Variants in NR1H4 observed in about 807,000 individuals in gnomAD.
NR1H4 encodes the protein bile acid receptor.
NR1H4 carries 23 observed loss-of-function variants against 58.5 expected under a neutral mutation model. That is an observed-to-expected ratio of 0.39 (90% CI 0.28 to 0.56). The LOEUF (loss-of-function observed/expected upper bound fraction) is 0.56, where lower values mean the gene tolerates loss of function less well. Ranked by LOEUF, NR1H4 falls within the 20% of genes least tolerant of loss-of-function variation. NR1H4 has a pLI of 0.58. For missense variants in NR1H4, 487 were observed against 576.9 expected (o/e 0.84, Z 1.60); for synonymous variants, 214 against 198.0 (o/e 1.08, Z -0.68).
At chr12:100,503,896 G>C (rs1358738843) in intron 3 of NR1H4, among the ~76,000 whole-genome samples, 1 of 152,074 alleles carries the variant, frequency 6.6e-6, no homozygotes, top group Admixed American at 6.6e-5. Flanking sequence ...TTAGTGTCTC[G>C]TGACCAGCAT....
chr12:100,535,134 T>A, intron 6 of NR1H4, 111 bp downstream of exon 6: 1 of 1,201,822 alleles, frequency 8.3e-7, no homozygotes, highest in Non-Finnish European at 1.2e-6. Context: ...GCTGAATTTC[T>A]AGTCCAATTG....
intron 4 of NR1H4, among the ~76,000 whole-genome samples, chr12:100,526,790 C>T (rs748869263): frequency 5.9e-5 from 9 of 152,180 alleles, no homozygotes; most frequent in Admixed American, 3.3e-4. Flanking sequence ...CACAGAACCT[C>T]CCAGACTCAT....
chr12:100,539,832 T>C (rs1308583603), intron 8 of NR1H4, among the ~76,000 whole-genome samples: 1 of 152,108 alleles, frequency 6.6e-6, no homozygotes, highest in Non-Finnish European at 1.5e-5. Flanking sequence ...ATAAAGCAGG[T>C]AGAGACTAGT....
intron 8 of NR1H4, among the ~76,000 whole-genome samples, chr12:100,538,262 C>T (rs1445247575): frequency 6.6e-6 from 1 of 152,020 alleles, no homozygotes; most frequent in Non-Finnish European, 1.5e-5. Flanking sequence ...ATGACTTAAT[C>T]AGGTTCATGT....
chr12:100,550,655 C>G (rs971768846), intron 9 of NR1H4, among the ~76,000 whole-genome samples: 2 of 152,140 alleles, frequency 1.3e-5, no homozygotes, highest in East Asian at 3.9e-4. Flanking sequence ...TGTGAGCCAC[C>G]GCGCCTGGCC....
intron 5 of NR1H4, 121 bp from the exon 6 acceptor site, chr12:100,534,769 C>A (rs961002336): frequency 1.8e-6 from 2 of 1,106,694 alleles, no homozygotes; most frequent in African/African-American, 1.5e-5. Context: ...AAAAGGCTAG[C>A]GTTAGTTCTG....
chr12:100,493,312 T>A lies in NR1H4; in HGVS notation c.-12T>A. ...CACCATAAAGAAAGTGCATTTCAAT[T>A]GAAAAATTTGGATGGGATCAAAAAT... On this transcript the variant is annotated 5_prime_UTR_variant, in exon 3 of 11. Transcript: ENST00000392986. 7.0e-7 allele frequency: 1 copy of A among 1,433,470 alleles called. No individual in the cohort carries two copies. The highest frequency in any genetic ancestry group is 9.8e-7 in the Non-Finnish European group (1 of 1,022,942). The allele number at this position is 1,433,470 out of a possible 1,614,324, so 88.8% of individuals were successfully genotyped here.
intron 3 of NR1H4, among the ~76,000 whole-genome samples, chr12:100,508,684 C>G (rs374603310): frequency 6.6e-6 from 1 of 152,088 alleles, no homozygotes; most frequent in African/African-American, 2.4e-5. Flanking sequence ...CCTGCTACTA[C>G]GAAGAACTCT....
At chr12:100,491,018 C>T (rs1593045398) in intron 1 of NR1H4, among the ~76,000 whole-genome samples, 1 of 152,130 alleles carries the variant, frequency 6.6e-6, no homozygotes, top group East Asian at 1.9e-4. Context: ...TGGTCTCGAA[C>T]TCTTGGGCTT....
In NR1H4 at chr12:100,476,494, GAC is replaced by G. The variant is rs532130853; in HGVS notation, c.-190+2437_-190+2438del. On this transcript the variant is annotated intron_variant, in intron 1 of 10. Coordinates refer to ENST00000392986, the MANE Select transcript of NR1H4 (RefSeq NM_001206979.2). ...AACTCTCCATGCTGCTGTGATTAGGGACATCTTAGAGAGGAGCTCAGAACTGC... is the reference window on the plus strand; with the variant it reads ...AACTCTCCATGCTGCTGTGATTAGGGATCTTAGAGAGGAGCTCAGAACTGC... 1.7e-3 allele frequency among the ~76,000 whole-genome samples: 255 copies of G among 152,262 alleles called. 1 individual carries two copies. The highest frequency in any genetic ancestry group is 5.9e-3 in the African/African-American group (243 of 41,536).
chr12:100,549,112 G>A (rs371412864), intron 9 of NR1H4, among the ~76,000 whole-genome samples: 1 of 152,100 alleles, frequency 6.6e-6, no homozygotes, highest in Non-Finnish European at 1.5e-5. Flanking sequence ...GCCAACGTGG[G>A]CAGATCACGA....
intron 6 of NR1H4, among the ~76,000 whole-genome samples, chr12:100,535,326 A>G (rs1270015514): frequency 6.6e-6 from 1 of 152,194 alleles, no homozygotes; most frequent in Non-Finnish European, 1.5e-5. Flanking sequence ...ATTGATGACC[A>G]TTTTTTCCCT....
At chr12:100,523,096 G>T (rs1026912911) in intron 4 of NR1H4, among the ~76,000 whole-genome samples, 1 of 152,130 alleles carries the variant, frequency 6.6e-6, no homozygotes, top group South Asian at 2.1e-4. Context: ...GGATCGAATG[G>T]TAGATCTACT....
At position 100,510,793 on chromosome 12, in the gene NR1H4, AAGTGGCAGGTCC is replaced by A. The variant is rs750549716; in HGVS notation, c.96_107del (p.Gln32_Pro36delinsHis). On this transcript the variant is annotated inframe_deletion, in exon 4 of 11. Coordinates refer to ENST00000392986, the MANE Select transcript of NR1H4 (RefSeq NM_001206979.2). ...TTTTGTTCAGGTGTTTTAACAGAAC[AAGTGGCAGGTCC>A]TCTGGGACAGAACCTGGAAGTGGAA... is the stretch of plus-strand genomic sequence containing the variant. 3 of 1,613,910 alleles carry A rather than the reference AAGTGGCAGGTCC, an allele frequency of 1.9e-6. No homozygotes were observed. In the African/African-American group the frequency reaches 4.0e-5, roughly 22 times the overall value.
chr12:100,529,898 C>G (rs528391583), intron 4 of NR1H4, among the ~76,000 whole-genome samples: 1 of 152,292 alleles, frequency 6.6e-6, no homozygotes, highest in East Asian at 1.9e-4. Flanking sequence ...AAGAAATATG[C>G]AGCTCTACAT....
chr12:100,497,600 T>A (rs1953743845), intron 3 of NR1H4, among the ~76,000 whole-genome samples: 1 of 152,072 alleles, frequency 6.6e-6, no homozygotes, highest in South Asian at 2.1e-4. Context: ...CGTAGAGGCC[T>A]GGGGGTGGAA....
At chr12:100,484,412 T>A (rs1010611440) in intron 1 of NR1H4, among the ~76,000 whole-genome samples, 2 of 152,150 alleles carry the variant, frequency 1.3e-5, no homozygotes, top group South Asian at 4.1e-4. Flanking sequence ...AACCAGAAAG[T>A]GGGAGTCCAA....
At chr12:100,529,178 G>A (rs1474546532) in intron 4 of NR1H4, among the ~76,000 whole-genome samples, 4 of 152,124 alleles carry the variant, frequency 2.6e-5, no homozygotes, top group Admixed American at 2.0e-4. Flanking sequence ...AAATTCACAA[G>A]CAAGTCCATG....
rs566870691 is a variant in NR1H4, at chr12:100,481,715, CCAT to C, written c.-190+7658_-190+7660del. 3.4e-4 allele frequency among the ~76,000 whole-genome samples: 52 copies of C among 152,128 alleles called. 1 individual carries two copies. The East Asian group carries it at 7.0e-3, about 20-fold the overall frequency. ...AGATCATGAGGTCAGGAGATCGAGA[CCAT>C]CCTGGCTAACACGGTGAAACCCCAT... is the stretch of plus-strand genomic sequence containing the variant. On this transcript the variant is annotated intron_variant, in intron 1 of 10. Transcript: ENST00000392986.
Sources: allele counts gnomAD v4.1 joint callset (sites outside exome capture counted in the v4.1 genomes callset), GRCh38; gene constraint gnomAD v4.1.1; transcripts MANE v1.5; gene names NCBI Gene and HGNC (gene_info 2026-07-23, HGNC 2026-07-21).